Variants in RBMS1 observed in about 807,000 individuals in gnomAD.
RBMS1 encodes the protein RNA-binding motif, single-stranded-interacting protein 1.
Under a neutral mutation model 62.3 loss-of-function variants are expected in RBMS1, and 17 were observed. That is an observed-to-expected ratio of 0.27 (90% CI 0.19 to 0.41). The LOEUF (loss-of-function observed/expected upper bound fraction) is 0.41, where lower values mean the gene tolerates loss of function less well. Among genes scored for constraint, RBMS1 ranks in the 10% least tolerant of loss-of-function variants. The pLI, the probability that RBMS1 is intolerant of heterozygous loss-of-function variation, is 1.00. For missense variants in RBMS1, 334 were observed against 504.5 expected, an observed-to-expected ratio of 0.66 and a Z score of 3.24; for synonymous variants, 172 against 170.0, an observed-to-expected ratio of 1.01 and a Z score of -0.09.
chr2:160,463,344 C>A (rs1299017502), intron 1 of RBMS1, among the ~76,000 whole-genome samples: 2 of 152,162 alleles, frequency 1.3e-5, no homozygotes, highest in Non-Finnish European at 1.5e-5. Flanking sequence ...TTATAACATG[C>A]CTCTCAAAAA....
rs1039098635 is a variant in RBMS1 at position 160,400,903 on chromosome 2, C to A, written c.76-33512G>T. Among the ~76,000 whole-genome samples, 31 of 152,212 alleles carry A rather than the reference C, an allele frequency of 2.0e-4. 1 individual carries two copies. Among genetic ancestry groups the A allele is most frequent in the South Asian group, 6.2e-4 (3 of 4,814 alleles). On this transcript the variant is annotated intron_variant, in intron 1 of 13. Coordinates refer to ENST00000348849, the MANE Select transcript of RBMS1 (RefSeq NM_016836.4). ...ATTAGAAACAAGCAGTACCTTCATG[C>A]GTGATTGAAATTCTCAAAATGAATT...
intron 2 of RBMS1, among the ~76,000 whole-genome samples, chr2:160,326,636 T>C (rs1559386447): frequency 2.0e-5 from 3 of 152,144 alleles, no homozygotes; most frequent in Admixed American, 1.3e-4. Context: ...TTTAGTAAGA[T>C]TAACGAAAAT....
intron 3 of RBMS1, among the ~76,000 whole-genome samples, chr2:160,314,697 T>G (rs942104260): frequency 6.6e-6 from 1 of 152,140 alleles, no homozygotes; most frequent in African/African-American, 2.4e-5. Context: ...TCCTTATATA[T>G]TACTTGGAAT....
intron 4 of RBMS1, among the ~76,000 whole-genome samples, chr2:160,308,672 G>C (rs1194389891): frequency 6.6e-6 from 1 of 152,230 alleles, no homozygotes; most frequent in African/African-American, 2.4e-5. Context: ...CAGCTGGCCA[G>C]CACCTCTGAA....
intron 1 of RBMS1, among the ~76,000 whole-genome samples, chr2:160,441,441 A>G (rs1390589538): frequency 6.6e-6 from 1 of 152,228 alleles, no homozygotes; most frequent in Non-Finnish European, 1.5e-5. Context: ...AACTTTTAAG[A>G]GGCCGGGCAC....
intron 2 of RBMS1, among the ~76,000 whole-genome samples, chr2:160,361,347 T>C (rs998052490): frequency 2.0e-5 from 3 of 152,236 alleles, no homozygotes; most frequent in Non-Finnish European, 4.4e-5. Flanking sequence ...CTTGCACACC[T>C]ATGCTATTTG....
At chr2:160,283,044 T>C (rs982032118) in intron 9 of RBMS1, 11 of 152,236 alleles carry the variant, frequency 7.2e-5, no homozygotes, top group Admixed American at 3.9e-4. Flanking sequence ...AATCTATTAC[T>C]GACACAGATC....
At chr2:160,388,336 C>T (rs1433639098) in intron 1 of RBMS1, among the ~76,000 whole-genome samples, 1 of 152,124 alleles carries the variant, frequency 6.6e-6, no homozygotes, top group African/African-American at 2.4e-5. Flanking sequence ...CTAAAATGCC[C>T]CCCACATTGT....
At chr2:160,473,852 A>G (rs1685023174) in intron 1 of RBMS1, among the ~76,000 whole-genome samples, 1 of 152,106 alleles carries the variant, frequency 6.6e-6, no homozygotes, top group Admixed American at 6.5e-5. Context: ...CAGATAATCT[A>G]TTTTTTAAAG....
Position 160,297,995 on chromosome 2 carries a change from GTC to G in RBMS1, c.640+2654_640+2655del, listed in dbSNP as rs201050744. Among the ~76,000 whole-genome samples the G allele has an allele frequency of 4.8e-3, 734 of 152,286 alleles. 7 individuals are homozygous for G. The highest frequency in any genetic ancestry group is 0.016 in the African/African-American group (683 of 41,540). On this transcript the variant is annotated intron_variant, in intron 6 of 13. Transcript: ENST00000348849. ...ACACATAGGTATATATTTTATCTAA[GTC>G]TCTCTGGCTACAGTCAGGGAGAATA...
intron 6 of RBMS1, among the ~76,000 whole-genome samples, chr2:160,292,839 TG>T (rs888630560): frequency 7.9e-5 from 12 of 152,336 alleles, no homozygotes; most frequent in African/African-American, 2.6e-4. Flanking sequence ...CATCTCAGGT[TG>T]TGGGCCCCTG....
chr2:160,448,529 C>T (rs1354450024), intron 1 of RBMS1, among the ~76,000 whole-genome samples: 2 of 152,250 alleles, frequency 1.3e-5, no homozygotes, highest in Admixed American at 6.5e-5. Flanking sequence ...CTCCTGACCG[C>T]GAGTAATCTG....
intron 1 of RBMS1, among the ~76,000 whole-genome samples, chr2:160,383,041 A>G (rs1277390462): frequency 6.6e-6 from 1 of 152,236 alleles, no homozygotes; most frequent in Non-Finnish European, 1.5e-5. Context: ...TGAAATATCA[A>G]TGGAGAGAGT....
intron 6 of RBMS1, among the ~76,000 whole-genome samples, chr2:160,295,879 T>C (rs1313306256): frequency 6.6e-6 from 1 of 152,210 alleles, no homozygotes. Context: ...AAAACAAAAG[T>C]GTCCTAGATG....
chr2:160,298,434 G>A (rs902578809), intron 6 of RBMS1, among the ~76,000 whole-genome samples: 7 of 152,302 alleles, frequency 4.6e-5, no homozygotes, highest in African/African-American at 1.4e-4. Context: ...AATATAAGTA[G>A]TAGTTAAAAC....
intron 1 of RBMS1, among the ~76,000 whole-genome samples, chr2:160,460,481 T>G (rs558494782): frequency 4.2e-4 from 64 of 152,324 alleles, no homozygotes; most frequent in African/African-American, 1.5e-3. Flanking sequence ...TCACGTAAGG[T>G]CACGCAGGAC....
chr2:160,275,367 T>C (rs1269406782), intron 13 of RBMS1: 4 of 363,826 alleles, frequency 1.1e-5, no homozygotes, highest in African/African-American at 6.4e-5. Context: ...TGTTCTCTGA[T>C]GTTACAGATT....
chr2:160,338,840 G>C (rs1559406305), intron 2 of RBMS1, among the ~76,000 whole-genome samples: 1 of 152,204 alleles, frequency 6.6e-6, no homozygotes, highest in Non-Finnish European at 1.5e-5. Flanking sequence ...TCAATAGGCA[G>C]AAGAGGAGAG....
intron 2 of RBMS1, among the ~76,000 whole-genome samples, chr2:160,339,115 A>G (rs993249440): frequency 1.3e-5 from 2 of 152,204 alleles, no homozygotes; most frequent in East Asian, 3.9e-4. Flanking sequence ...ACTGGAGGCC[A>G]GGCATGGTGG....
Sources: allele counts gnomAD v4.1 joint callset (sites outside exome capture counted in the v4.1 genomes callset), GRCh38; gene constraint gnomAD v4.1.1; transcripts MANE v1.5; gene names NCBI Gene and HGNC (gene_info 2026-07-23, HGNC 2026-07-21).